The following NKAIN3 variants were observed in gnomAD, a reference collection of about 807,000 sequenced individuals.
NKAIN3 encodes the protein sodium/potassium-transporting ATPase subunit beta-1-interacting protein 3.
In NKAIN3, 25 loss-of-function variants were observed where a neutral mutation model predicts 30.2. That is an observed-to-expected ratio of 0.83 (90% CI 0.60 to 1.16). The LOEUF is 1.16. Ranked by LOEUF, NKAIN3 falls within the 50% of genes most tolerant of loss-of-function variation. The pLI, the probability that NKAIN3 is intolerant of heterozygous loss-of-function variation, is 0.00. For synonymous variants in NKAIN3, 91 were observed against 89.6 expected (o/e 1.02, Z -0.09); for missense variants, 225 against 254.1 (o/e 0.89, Z 0.78).
intron 1 of NKAIN3, among the ~76,000 whole-genome samples, chr8:62,461,150 C>T (rs1300996599): frequency 6.6e-6 from 1 of 152,128 alleles, no homozygotes. Flanking sequence ...GAAAGTATGT[C>T]TCAACACACA....
chr8:62,833,553 A>G (rs916251801), intron 4 of NKAIN3, among the ~76,000 whole-genome samples: 1 of 152,134 alleles, frequency 6.6e-6, no homozygotes, highest in Non-Finnish European at 1.5e-5. Context: ...GAACACCTTT[A>G]TGCACACAAA....
At chr8:62,728,922 G>A (rs1815353983) in intron 3 of NKAIN3, among the ~76,000 whole-genome samples, 1 of 150,174 alleles carries the variant, frequency 6.7e-6, no homozygotes, top group South Asian at 2.1e-4. Context: ...CCCGGAAGGC[G>A]GAGCTTGCAG....
chr8:62,957,320 G>T (rs1823445566), intron 6 of NKAIN3, among the ~76,000 whole-genome samples: 1 of 152,124 alleles, frequency 6.6e-6, no homozygotes, highest in Non-Finnish European at 1.5e-5. Flanking sequence ...ATTTTTAGTA[G>T]AGACGGGGTT....
chr8:62,620,835 C>G (rs1433064371), intron 3 of NKAIN3, among the ~76,000 whole-genome samples: 1 of 152,094 alleles, frequency 6.6e-6, no homozygotes, highest in Non-Finnish European at 1.5e-5. Flanking sequence ...AGCTTTTGGT[C>G]AATTTTCAAA....
chr8:62,279,311 A>T (rs971468991), intron 1 of NKAIN3, among the ~76,000 whole-genome samples: 7 of 152,100 alleles, frequency 4.6e-5, no homozygotes, highest in African/African-American at 1.7e-4. Flanking sequence ...ATTTTCTCCC[A>T]TTCTGTAGGT....
intron 3 of NKAIN3, among the ~76,000 whole-genome samples, chr8:62,652,876 G>A (rs1214633074): frequency 1.3e-5 from 2 of 152,226 alleles, no homozygotes; most frequent in South Asian, 4.1e-4. Context: ...CAGTGTTAGA[G>A]CAAAGTCAAA....
At chr8:62,440,935 A>T (rs571330788) in intron 1 of NKAIN3, among the ~76,000 whole-genome samples, 53 of 152,156 alleles carry the variant, frequency 3.5e-4, no homozygotes, top group African/African-American at 1.3e-3. Flanking sequence ...TTCAAATTTT[A>T]TCCTCAAAAT....
chr8:62,550,313 C>T (rs1190983928), intron 1 of NKAIN3, among the ~76,000 whole-genome samples: 2 of 152,170 alleles, frequency 1.3e-5, no homozygotes. Context: ...GTATGATTCT[C>T]ATATGTCATT....
intron 1 of NKAIN3, among the ~76,000 whole-genome samples, chr8:62,335,432 C>A (rs1378520075): frequency 1.1e-3 from 87 of 82,142 alleles, no homozygotes; most frequent in African/African-American, 2.0e-3. Flanking sequence ...GACTCTGTCT[C>A]AAAAAAAAAA....
In NKAIN3 at chr8:62,292,352, A is replaced by G. The variant is rs531254407; in HGVS notation, c.54+43225A>G. 2.5e-4 allele frequency among the ~76,000 whole-genome samples: 38 copies of G among 152,198 alleles called. 1 individual carries two copies. The highest frequency in any genetic ancestry group is 7.9e-4 in the Admixed American group (12 of 15,278). On this transcript the variant is annotated intron_variant, in intron 1 of 6. Transcript: ENST00000623646. ...GCCTCGATGGTCTTTACAATTTTGC[A>G]TGTTTTTGCAGTGGCTGGTACCAGT...
chr8:62,303,619 A>G lies in NKAIN3; in HGVS notation c.54+54492A>G, dbSNP rs11996393. On this transcript the variant is annotated intron_variant, in intron 1 of 6. Transcript: ENST00000623646. ...GACAGACAATCCACTTTATTGCTTT[A>G]TCTATCAAGTTGGATATGATACATT... 2.0e-3 allele frequency among the ~76,000 whole-genome samples: 298 copies of G among 150,722 alleles called. 24 individuals are homozygous for G. The highest frequency in any genetic ancestry group is 7.0e-3 in the African/African-American group (280 of 40,138).
chr8:62,807,468 C>G (rs886661496), intron 4 of NKAIN3, among the ~76,000 whole-genome samples: 4 of 151,530 alleles, frequency 2.6e-5, no homozygotes, highest in African/African-American at 9.7e-5. Context: ...TGGGACTGAT[C>G]AACTTTCTTC....
At chr8:62,350,278 T>C (rs1223457097) in intron 1 of NKAIN3, among the ~76,000 whole-genome samples, 2 of 152,168 alleles carry the variant, frequency 1.3e-5, no homozygotes. Flanking sequence ...TGGAATATTA[T>C]CCACCCTTAA....
rs577044694 is a variant in NKAIN3, at chr8:62,838,868, T to A, written c.472-79585T>A. ...ACCAGAAAAACTTGGACTCTTCTAA[T>A]GGAAAATAAAAGAGTGATTTTTTAT... On this transcript the variant is annotated intron_variant, in intron 4 of 6. Transcript: ENST00000623646. 2.2e-4 allele frequency among the ~76,000 whole-genome samples: 34 copies of A among 152,268 alleles called. 1 individual carries two copies. The South Asian group carries it at 6.6e-3, about 30-fold the overall frequency.
intron 3 of NKAIN3, among the ~76,000 whole-genome samples, chr8:62,730,966 A>G (rs1815443919): frequency 6.6e-6 from 1 of 152,130 alleles, no homozygotes; most frequent in Non-Finnish European, 1.5e-5. Flanking sequence ...AATTATTACA[A>G]CTTTGGGCAA....
intron 4 of NKAIN3, among the ~76,000 whole-genome samples, chr8:62,802,993 C>A (rs865820026): frequency 3.3e-5 from 5 of 151,934 alleles, no homozygotes; most frequent in Admixed American, 6.6e-5. Context: ...GACTTTAAAC[C>A]AACAAGATCA....
chr8:62,332,169 A>G (rs755322305), intron 1 of NKAIN3, among the ~76,000 whole-genome samples: 1 of 152,178 alleles, frequency 6.6e-6, no homozygotes, highest in Non-Finnish European at 1.5e-5. Flanking sequence ...CAGAAATAAG[A>G]TAATGTTTCT....
At chr8:62,526,869 C>A (rs1279802786) in intron 1 of NKAIN3, among the ~76,000 whole-genome samples, 3 of 152,102 alleles carry the variant, frequency 2.0e-5, no homozygotes, top group African/African-American at 7.2e-5. Flanking sequence ...GCAGTAACAA[C>A]AAAGGTCTCT....
chr8:62,861,326 C>A, intron 4 of NKAIN3, among the ~76,000 whole-genome samples: 1 of 152,170 alleles, frequency 6.6e-6, no homozygotes. Context: ...TAAACAAAGA[C>A]AATCTCAATT....
Sources: allele counts gnomAD v4.1 joint callset (sites outside exome capture counted in the v4.1 genomes callset), GRCh38; gene constraint gnomAD v4.1.1; transcripts MANE v1.5; gene names NCBI Gene and HGNC (gene_info 2026-07-23, HGNC 2026-07-21).